Variants in CHD9 observed in about 807,000 individuals in gnomAD.
The protein encoded by CHD9 is chromodomain helicase DNA binding protein 9.
A neutral mutation model predicts 316.1 loss-of-function variants in CHD9; 77 were observed. The observed-to-expected ratio is 0.24, with a 90% confidence interval of 0.20 to 0.29. The LOEUF (loss-of-function observed/expected upper bound fraction) is 0.29. Among genes scored for constraint, CHD9 ranks in the 10% least tolerant of loss-of-function variants. CHD9 has a pLI of 1.00. For missense variants in CHD9, 2,763 were observed against 3,438.1 expected, an observed-to-expected ratio of 0.80 and a Z score of 4.91; for synonymous variants, 1,129 against 1,158.3, an observed-to-expected ratio of 0.97 and a Z score of 0.51.
At chr16:53,093,824 A>T (rs1461326691) in intron 1 of CHD9, among the ~76,000 whole-genome samples, 3 of 151,976 alleles carry the variant, frequency 2.0e-5, no homozygotes, top group Non-Finnish European at 4.4e-5. Context: ...GACACTGATG[A>T]TTGTTTTGGG....
intron 22 of CHD9, among the ~76,000 whole-genome samples, chr16:53,269,363 T>G (rs1237194634): frequency 6.6e-6 from 1 of 152,180 alleles, no homozygotes; most frequent in African/African-American, 2.4e-5. Context: ...GTGTGTCTTG[T>G]GCAAGGTGTT....
At chr16:53,136,369 A>G (rs1257753315) in intron 1 of CHD9, among the ~76,000 whole-genome samples, 1 of 152,106 alleles carries the variant, frequency 6.6e-6, no homozygotes, top group African/African-American at 2.4e-5. Context: ...AGAATATTCA[A>G]TTTTATTCTA....
At chr16:53,211,731 C>CT (rs10634700) in intron 3 of CHD9, among the ~76,000 whole-genome samples, 1 of 151,700 alleles carries the variant, frequency 6.6e-6, no homozygotes, top group Non-Finnish European at 1.5e-5. Context: ...AAAACAGTGT[C>CT]AATCATTTAT....
At chr16:53,169,886 A>G (rs989228914) in intron 2 of CHD9, among the ~76,000 whole-genome samples, 6 of 152,174 alleles carry the variant, frequency 3.9e-5, no homozygotes, top group Non-Finnish European at 8.8e-5. Flanking sequence ...GTCAGGCATT[A>G]CATTTAGTTG....
intron 32 of CHD9, 60 bp from the exon 33 acceptor site, chr16:53,307,621 G>C (rs952575710): frequency 6.9e-7 from 1 of 1,455,026 alleles, no homozygotes; most frequent in African/African-American, 1.4e-5. Flanking sequence ...TGAGCTATTT[G>C]ATCTCCAAAG....
intron 1 of CHD9, among the ~76,000 whole-genome samples, chr16:53,134,035 A>G (rs959073378): frequency 3.3e-5 from 5 of 152,222 alleles, no homozygotes; most frequent in African/African-American, 1.2e-4. Flanking sequence ...TCGAAATGTC[A>G]TAGAAAAAAA....
At chr16:53,141,610 T>G (rs1307835008) in intron 1 of CHD9, among the ~76,000 whole-genome samples, 1 of 152,236 alleles carries the variant, frequency 6.6e-6, no homozygotes, top group Admixed American at 6.5e-5. Flanking sequence ...GTTTATGTCA[T>G]GGCATTATTG....
intron 2 of CHD9, among the ~76,000 whole-genome samples, chr16:53,170,837 A>G (rs1474548611): frequency 6.6e-6 from 1 of 152,120 alleles, no homozygotes; most frequent in Non-Finnish European, 1.5e-5. Context: ...TGTCAATAGG[A>G]TATTATAGAT....
intron 1 of CHD9, among the ~76,000 whole-genome samples, chr16:53,093,386 T>C (rs2036113915): frequency 6.6e-6 from 1 of 152,266 alleles, no homozygotes; most frequent in Non-Finnish European, 1.5e-5. Flanking sequence ...CTAAGCACTA[T>C]GCGTGGCACA....
At chr16:53,071,941 G>A (rs768183175) in intron 1 of CHD9, among the ~76,000 whole-genome samples, 38 of 152,160 alleles carry the variant, frequency 2.5e-4, no homozygotes, top group Non-Finnish European at 5.0e-4. Context: ...AGGACAGCTG[G>A]TGAAACTGTG....
At chr16:53,126,662 ATTCTTTCTTTCG>A (rs1209025486) in intron 1 of CHD9, among the ~76,000 whole-genome samples, 10 of 123,192 alleles carry the variant, frequency 8.1e-5, no homozygotes, top group Admixed American at 4.1e-4. Context: ...TCATTCATTC[ATTCTTTCTTTCG>A]TTCTTTCTTT....
chr16:53,256,050 C>T (rs1164844583), intron 19 of CHD9, among the ~76,000 whole-genome samples: 1 of 152,084 alleles, frequency 6.6e-6, no homozygotes, highest in African/African-American at 2.4e-5. Flanking sequence ...AGAAACTAAA[C>T]ATCTGTATAT....
chr16:53,075,370 A>T (rs369636893), intron 1 of CHD9, among the ~76,000 whole-genome samples: 5 of 152,054 alleles, frequency 3.3e-5, no homozygotes, highest in African/African-American at 9.6e-5. Context: ...ACTTTGGGGG[A>T]CTATTGGGAA....
intron 33 of CHD9, among the ~76,000 whole-genome samples, 174 bp downstream of exon 33, chr16:53,308,127 G>C (rs964158169): frequency 6.6e-6 from 1 of 152,110 alleles, no homozygotes; most frequent in Non-Finnish European, 1.5e-5. Flanking sequence ...CTACTAGAGG[G>C]ATCGTCATTA....
At position 53,156,282 on chromosome 16, in the gene CHD9, A is replaced by G; in HGVS notation, c.193A>G (p.Met65Val). ...TCAAGGTACTCCAACACATCAGAAGATGACTGATTTTGAACAGTTAAATCA... is the reference window on the plus strand; with the variant it reads ...TCAAGGTACTCCAACACATCAGAAGGTGACTGATTTTGAACAGTTAAATCA... The part of the protein sequence containing the change: ...HVQGTPTHQK[M>V]TDFEQLNQFD... Residue 65 changes from methionine to valine, a missense_variant, in exon 2 of 39, where the codon ATG becomes GTG. Physicochemically the swap from Met to Val is conservative, Grantham distance 21 (BLOSUM62 1). Around this residue, in one of 15 missense-constraint regions of CHD9, gnomAD observed 859 missense variants for 890.4 expected, o/e 0.96. Transcript: ENST00000447540. 1 of 1,613,926 alleles carries G rather than the reference A, an allele frequency of 6.2e-7. No homozygotes were observed.
Position 53,227,457 on chromosome 16 carries a change from A to G in CHD9, c.2105A>G (p.Lys702Arg). 1 of 1,557,576 alleles carries G rather than the reference A, an allele frequency of 6.4e-7. No individual in the cohort carries two copies. The highest frequency in any genetic ancestry group is 8.7e-7 in the Non-Finnish European group (1 of 1,148,294). The change falls in exon 6 of 39, where the codon AAA (lysine) becomes AGA (arginine). Residue 702 changes from lysine to arginine, a missense_variant. By Grantham distance (26) the Lys-to-Arg change is conservative. This residue lies in a region of CHD9 where 859 missense variants were observed against 890.4 expected (regional missense o/e 0.96). Coordinates refer to ENST00000447540, the MANE Select transcript of CHD9 (RefSeq NM_001308319.2). ...VDKILSSRTV[K>R]KEISPGVMID... Reference sequence around the variant, plus strand: ...AAAATTCTATCTTCTAGAACCGTAAAAAAGGAAGTAAGTACTGGTACATTA... The same window carrying G: ...AAAATTCTATCTTCTAGAACCGTAAGAAAGGAAGTAAGTACTGGTACATTA...
In CHD9 at chr16:53,304,360, T is replaced by G; in HGVS notation, c.6354T>G (p.Ser2118=). The G allele has an allele frequency of 3.7e-6, 6 of 1,613,408 alleles. No homozygotes were observed. The highest frequency in any genetic ancestry group is 5.1e-6 in the Non-Finnish European group (6 of 1,179,808). The change falls in exon 31 of 39, where the codon TCT becomes TCG. Residue 2118 remains serine, a synonymous_variant. Transcript: ENST00000447540. ...RTEPLTPNPA[S]KKPRVHKRGS... is the part of the protein sequence containing the mutation. ...AACCCCTAACTCCAAACCCAGCTTC[T>G]AAGAAACCAAGAGTCCACAAAAGGG... is the stretch of plus-strand genomic sequence containing the variant.
At chr16:53,179,632 C>T (rs906676446) in intron 2 of CHD9, among the ~76,000 whole-genome samples, 19 of 152,174 alleles carry the variant, frequency 1.2e-4, no homozygotes, top group Admixed American at 9.8e-4. Context: ...CACAGTGGCT[C>T]AAGCCTGTAA....
At chr16:53,066,104 C>A (rs1432716568) in intron 1 of CHD9, among the ~76,000 whole-genome samples, 1 of 152,160 alleles carries the variant, frequency 6.6e-6, no homozygotes, top group Admixed American at 6.5e-5. Context: ...GTTCCATTAT[C>A]AAACAAACTG....
Sources: gnomAD v4.1 joint callset for allele counts (sites outside exome capture counted in the v4.1 genomes callset) on GRCh38, gnomAD v4.1.1 for gene constraint, gnomAD v4.1.1 regional missense constraint, MANE v1.5 for transcripts, NCBI Gene and HGNC (gene_info 2026-07-23, HGNC 2026-07-21) for gene names.